Variants in EGF observed in about 807,000 individuals in gnomAD.
The protein encoded by EGF is pro-epidermal growth factor.
Under a neutral mutation model 143.8 loss-of-function variants are expected in EGF, and 95 were observed. The observed-to-expected ratio is 0.66, with a 90% confidence interval of 0.56 to 0.78. EGF has a LOEUF of 0.78. EGF is among the 30% of genes least tolerant of loss of function. EGF has a pLI of 0.00. For missense variants in EGF, 1,320 were observed against 1,470.9 expected, an observed-to-expected ratio of 0.90 and a Z score of 1.68; for synonymous variants, 510 against 510.5, an observed-to-expected ratio of 1.00 and a Z score of 0.01.
At chr4:109,958,572 TTAAA>T (rs1252979408) in intron 5 of EGF, among the ~76,000 whole-genome samples, 9 of 152,166 alleles carry the variant, frequency 5.9e-5, no homozygotes, top group Non-Finnish European at 1.2e-4. Flanking sequence ...AAGATGTTCA[TTAAA>T]TAATGATGTT....
At chr4:109,984,141 C>A (rs11569031) in intron 16 of EGF, among the ~76,000 whole-genome samples, 1,801 of 152,192 alleles carry the variant, frequency 0.012, 19 homozygotes, top group Non-Finnish European at 0.016. Flanking sequence ...TTCTGCAAAC[C>A]CCATCCTTTC....
At chr4:109,975,298 C>CTTCCTAGTTGT (rs1292100973) in intron 12 of EGF, among the ~76,000 whole-genome samples, 1 of 152,156 alleles carries the variant, frequency 6.6e-6, no homozygotes, top group African/African-American at 2.4e-5. Flanking sequence ...TAAAGAATTT[C>CTTCCTAGTTGT]TTCCTAGTTG....
rs918195435 is a variant in EGF, at chr4:109,951,963, GT to G, written c.940+6696del. Among the ~76,000 whole-genome samples the G allele has an allele frequency of 2.6e-5, 4 of 151,238 alleles. No homozygotes were observed. In the East Asian group the frequency reaches 7.8e-4, roughly 29 times the overall value. ...CTCTCTTTTTACATTTTTCTTTAAT[GT>G]TTTTTTTCAATTTCAGAAACTTAAA... On this transcript the variant is annotated intron_variant, in intron 5 of 23. Coordinates refer to ENST00000265171, the MANE Select transcript of EGF (RefSeq NM_001963.6).
intron 23 of EGF, among the ~76,000 whole-genome samples, chr4:110,009,840 C>T (rs562433393): frequency 6.6e-6 from 1 of 152,348 alleles, no homozygotes; most frequent in African/African-American, 2.4e-5. Context: ...ATAAAACCAT[C>T]TTCACTGAGC....
At position 109,975,035 on chromosome 4, in the gene EGF, A is replaced by G. The variant is rs935201969; in HGVS notation, c.1829+228A>G. Among the ~76,000 whole-genome samples the G allele has an allele frequency of 2.0e-5, 3 of 152,234 alleles. No individual in the cohort carries two copies. The East Asian group carries it at 5.8e-4, about 29-fold the overall frequency. On this transcript the variant is annotated intron_variant, in intron 12 of 23. Transcript: ENST00000265171. ...CAGTTTGTTTTTGAAAGAAAAATGC[A>G]CTGTAATTCATTAACCAACTAGACT...
At position 109,939,705 on chromosome 4, in the gene EGF, G is replaced by A. The variant is rs11568877; in HGVS notation, c.128-1241G>A. Among the ~76,000 whole-genome samples, 1,240 of 152,226 alleles carry A rather than the reference G, an allele frequency of 8.1e-3. 16 individuals carry two copies. Among genetic ancestry groups the A allele is most frequent in the African/African-American group, 0.028 (1,171 of 41,526 alleles). ...AACCCTCTTGTAGCTTTAATTCAAC[G>A]TACTCTCCAAAGTGGAGTTAGTGTT... On this transcript the variant is annotated intron_variant, in intron 1 of 23. Transcript: ENST00000265171.
chr4:109,961,056 T>C (rs531540692), intron 7 of EGF, 67 bp downstream of exon 7: 113 of 1,578,892 alleles, frequency 7.2e-5, no homozygotes, highest in African/African-American at 1.1e-4. Context: ...CTAAGGTGGC[T>C]ATGATCTGGG....
chr4:109,918,255 G>GT (rs36009201), intron 1 of EGF, among the ~76,000 whole-genome samples: 69,446 of 143,374 alleles, frequency 0.48, 17,343 homozygotes, highest in African/African-American at 0.64. Context: ...GCTAGGTGTG[G>GT]TTTTTTTTTT....
At chr4:109,952,764 A>G (rs1042203880) in intron 5 of EGF, among the ~76,000 whole-genome samples, 1 of 152,226 alleles carries the variant, frequency 6.6e-6, no homozygotes, top group African/African-American at 2.4e-5. Context: ...TGCAGCAAGC[A>G]TAGGATTGGT....
chr4:109,943,530 C>G, intron 3 of EGF, 95 bp downstream of exon 3: 3 of 1,399,340 alleles, frequency 2.1e-6, no homozygotes, highest in Non-Finnish European at 3.0e-6. Flanking sequence ...GATCCTCTCA[C>G]TGAGACCAAA....
intron 1 of EGF, among the ~76,000 whole-genome samples, chr4:109,915,263 G>C (rs1736424436): frequency 6.6e-6 from 1 of 152,164 alleles, no homozygotes; most frequent in South Asian, 2.1e-4. Flanking sequence ...TAATAGCTGA[G>C]TTACTTTAGA....
intron 1 of EGF, among the ~76,000 whole-genome samples, chr4:109,929,463 T>C (rs1473726351): frequency 6.6e-6 from 1 of 151,570 alleles, no homozygotes; most frequent in East Asian, 1.9e-4. Context: ...CCTGTTAGAG[T>C]GTTAGAGTGT....
At chr4:109,985,899 T>C (rs1337438535) in intron 16 of EGF, among the ~76,000 whole-genome samples, 2 of 152,246 alleles carry the variant, frequency 1.3e-5, no homozygotes, top group Non-Finnish European at 2.9e-5. Context: ...AGGTTAATTC[T>C]TATTTAAATT....
intron 14 of EGF, 127 bp from the exon 15 acceptor site, chr4:109,980,699 C>A (rs1232774041): frequency 1.9e-6 from 2 of 1,031,334 alleles, no homozygotes; most frequent in Non-Finnish European, 3.0e-6. Context: ...GATATACCCT[C>A]TATTTAGATA....
intron 5 of EGF, among the ~76,000 whole-genome samples, chr4:109,954,343 C>T (rs576524653): frequency 2.0e-4 from 30 of 152,276 alleles, no homozygotes; most frequent in African/African-American, 7.0e-4. Context: ...TGAGCCACTG[C>T]GCCTGGCCAA....
intron 11 of EGF, among the ~76,000 whole-genome samples, chr4:109,970,946 T>C (rs1365772938): frequency 6.6e-6 from 1 of 152,176 alleles, no homozygotes; most frequent in African/African-American, 2.4e-5. Flanking sequence ...CATTCATTTG[T>C]TCATCTAATC....
chr4:109,921,777 T>C (rs376348849), intron 1 of EGF, among the ~76,000 whole-genome samples: 15 of 151,756 alleles, frequency 9.9e-5, no homozygotes, highest in African/African-American at 2.9e-4. Context: ...AGTTGAGAAA[T>C]AGTGTTTTAT....
rs149765626 is a variant in EGF, at chr4:109,972,408, CGAAACAGAATTTAGAGATGA to C, written c.1725-2294_1725-2275del. 6.1e-3 allele frequency among the ~76,000 whole-genome samples: 930 copies of C among 152,116 alleles called. 8 individuals carry two copies. Among genetic ancestry groups the C allele is most frequent in the African/African-American group, 0.021 (871 of 41,522 alleles). On this transcript the variant is annotated intron_variant, in intron 11 of 23. Coordinates refer to ENST00000265171, the MANE Select transcript of EGF (RefSeq NM_001963.6). The stretch of plus-strand genomic sequence containing the variant: ...CTCGTCTCATCACTTAATTCCTGCC[CGAAACAGAATTTAGAGATGA>C]TGTCTCTCATCTCTAAGATGATTAG...
At chr4:109,935,697 A>G (rs1740651480) in intron 1 of EGF, among the ~76,000 whole-genome samples, 1 of 152,144 alleles carries the variant, frequency 6.6e-6, no homozygotes, top group African/African-American at 2.4e-5. Flanking sequence ...GGTTTGTCAT[A>G]AGTAGCTTTT....
Sources: allele counts gnomAD v4.1 joint callset (sites outside exome capture counted in the v4.1 genomes callset), GRCh38; gene constraint gnomAD v4.1.1; transcripts MANE v1.5; gene names NCBI Gene and HGNC (gene_info 2026-07-23, HGNC 2026-07-21).